The following ARHGEF33 variants were observed in gnomAD, a reference collection of about 807,000 sequenced individuals.
The protein encoded by ARHGEF33 is Rho guanine nucleotide exchange factor 33.
Under a neutral mutation model 101.9 loss-of-function variants are expected in ARHGEF33, and 72 were observed. That is an observed-to-expected ratio of 0.71 (90% CI 0.58 to 0.86). The LOEUF (loss-of-function observed/expected upper bound fraction) is 0.86. ARHGEF33 is among the 40% of genes least tolerant of loss of function. ARHGEF33 has a pLI of 0.00. For synonymous variants in ARHGEF33, 499 were observed against 442.5 expected, an observed-to-expected ratio of 1.13 and a Z score of -1.60; for missense variants, 1,169 against 1,111.3, an observed-to-expected ratio of 1.05 and a Z score of -0.74.
At chr2:38,932,647 A>G (rs886761655) in intron 7 of ARHGEF33, among the ~76,000 whole-genome samples, 2 of 152,198 alleles carry the variant, frequency 1.3e-5, no homozygotes, top group Admixed American at 6.5e-5. Context: ...AGTCAGTTCA[A>G]TGGCAGGTCT....
rs912862244 is a variant in ARHGEF33, at chr2:38,943,949, A to G, written c.839A>G (p.Tyr280Cys). ...ALELLESERK[Y>C]VINISLILKI... ...GAACTGCTTGAATCTGAAAGAAAAT[A>G]TGTCATTAACATCTCTCTGATCTTG... The change falls in exon 10 of 18, where the codon TAT (tyrosine) becomes TGT (cysteine). Residue 280 changes from tyrosine to cysteine, a missense_variant. Coordinates refer to ENST00000409978, the MANE Select transcript of ARHGEF33 (RefSeq NM_001145451.5). The G allele has an allele frequency of 4.5e-6, 7 of 1,551,748 alleles. No individual in the cohort carries two copies. The Admixed American group carries it at 1.4e-4, about 30-fold the overall frequency.
intron 2 of ARHGEF33, among the ~76,000 whole-genome samples, chr2:38,903,913 TGCCAGTGTTTAGGACA>T (rs1436391462): frequency 6.6e-6 from 1 of 152,204 alleles, no homozygotes; most frequent in African/African-American, 2.4e-5. Flanking sequence ...TAGTTACCAC[TGCCAGTGTTTAGGACA>T]GTTTAGTGTC....
rs1402235104 is a variant in ARHGEF33, at chr2:38,959,922, G to C, written c.1617G>C (p.Trp539Cys). 2.4e-5 allele frequency: 37 copies of C among 1,551,692 alleles called. No individual in the cohort carries two copies. Among genetic ancestry groups the C allele is most frequent in the Non-Finnish European group, 2.8e-5 (32 of 1,146,944 alleles). Residue 539 changes from tryptophan to cysteine, a missense_variant, in exon 16 of 18, where the codon TGG becomes TGC. Transcript: ENST00000409978. Reference sequence around the variant, plus strand: ...TGCAGCCCGGGAAGCCCAGTGACTGGGAGCTGGAGGGCAGGAAGCACGAGC... The same window carrying C: ...TGCAGCCCGGGAAGCCCAGTGACTGCGAGCTGGAGGGCAGGAAGCACGAGC... ...ESMQPGKPSD[W>C]ELEGRKHERP...
intron 16 of ARHGEF33, among the ~76,000 whole-genome samples, chr2:38,961,471 T>C (rs1366137921): frequency 6.6e-6 from 1 of 152,216 alleles, no homozygotes. Flanking sequence ...GTGCTAATAG[T>C]TTCTGAGCAA....
intron 11 of ARHGEF33, among the ~76,000 whole-genome samples, chr2:38,951,621 A>G (rs890052030): frequency 6.6e-6 from 1 of 151,724 alleles, no homozygotes; most frequent in Non-Finnish European, 1.5e-5. Flanking sequence ...AAAAAAAAGT[A>G]TATATACATT....
chr2:38,895,539 T>C lies in ARHGEF33; in HGVS notation c.-158-238T>C, dbSNP rs1048019267. ...TATTTTTATTAGTCCCCCAAACATA[T>C]GAATACTGAGGTGATTGTACTTGCT... On this transcript the variant is annotated intron_variant, in intron 1 of 17. Transcript: ENST00000409978. Among the ~76,000 whole-genome samples, 8 of 152,310 alleles carry C rather than the reference T, an allele frequency of 5.3e-5. No individual in the cohort carries two copies. The South Asian group carries it at 1.2e-3, about 24-fold the overall frequency.
At chr2:38,944,979 G>C (rs962968514) in intron 10 of ARHGEF33, among the ~76,000 whole-genome samples, 1 of 151,974 alleles carries the variant, frequency 6.6e-6, no homozygotes, top group Non-Finnish European at 1.5e-5. Context: ...TCTGTTCATA[G>C]TCTAGATTTT....
chr2:38,971,101 T>C (rs913220860), intron 17 of ARHGEF33, among the ~76,000 whole-genome samples: 1 of 152,346 alleles, frequency 6.6e-6, no homozygotes, highest in Non-Finnish European at 1.5e-5. Flanking sequence ...CTCCTAAAGC[T>C]TTCAAGGAGG....
At chr2:38,956,686 A>G (rs1667776310) in intron 13 of ARHGEF33, among the ~76,000 whole-genome samples, 1 of 152,210 alleles carries the variant, frequency 6.6e-6, no homozygotes, top group Admixed American at 6.5e-5. Flanking sequence ...TTCAACTCAA[A>G]CAGGTACGAT....
intron 16 of ARHGEF33, among the ~76,000 whole-genome samples, chr2:38,962,686 T>G (rs1281395000): frequency 1.3e-5 from 2 of 151,968 alleles, no homozygotes; most frequent in African/African-American, 2.4e-5. Flanking sequence ...TTATTTCTGT[T>G]TCTAGACACA....
rs1411808736 is a variant in ARHGEF33 at position 38,914,048 on chromosome 2, TA to T, written c.-85-5312del. Among the ~76,000 whole-genome samples, 2 of 152,188 alleles carry T rather than the reference TA, an allele frequency of 1.3e-5. 1 individual carries two copies. The highest frequency in any genetic ancestry group is 2.9e-5 in the Non-Finnish European group (2 of 68,034). On this transcript the variant is annotated intron_variant, in intron 2 of 17. Coordinates refer to ENST00000409978, the MANE Select transcript of ARHGEF33 (RefSeq NM_001145451.5). ...CACCAGCAATCAGCAAAAGTAGCTATAAACTATCACTTGTCACCCATCTGAC... is the reference window on the plus strand; with the variant it reads ...CACCAGCAATCAGCAAAAGTAGCTATAACTATCACTTGTCACCCATCTGAC...
intron 2 of ARHGEF33, among the ~76,000 whole-genome samples, chr2:38,917,069 G>A (rs1445127510): frequency 6.7e-6 from 1 of 149,306 alleles, no homozygotes; most frequent in Non-Finnish European, 1.5e-5. Context: ...CAAAGTGCTA[G>A]GATTACAGGT....
intron 16 of ARHGEF33, among the ~76,000 whole-genome samples, chr2:38,962,480 C>G (rs1031435872): frequency 6.6e-6 from 1 of 151,994 alleles, no homozygotes; most frequent in Non-Finnish European, 1.5e-5. Flanking sequence ...CCAGACATAC[C>G]AAATAACAAT....
chr2:38,957,959 T>C (rs1010160523), intron 14 of ARHGEF33, 75 bp from the exon 15 acceptor site: 15 of 1,490,402 alleles, frequency 1.0e-5, no homozygotes, highest in Non-Finnish European at 1.4e-5. Flanking sequence ...CTCTCTATCT[T>C]TTTTGGCATA....
chr2:38,970,122 A>G (rs1478987358), intron 17 of ARHGEF33, among the ~76,000 whole-genome samples: 1 of 152,210 alleles, frequency 6.6e-6, no homozygotes, highest in Non-Finnish European at 1.5e-5. Flanking sequence ...CCAAATGATT[A>G]ATTCTACTTC....
intron 2 of ARHGEF33, among the ~76,000 whole-genome samples, chr2:38,901,195 C>T (rs558552353): frequency 2.6e-5 from 4 of 152,268 alleles, no homozygotes; most frequent in African/African-American, 7.2e-5. Flanking sequence ...GTAAAACTGC[C>T]AGAAAGAAGC....
chr2:38,917,482 G>C (rs150224810), intron 2 of ARHGEF33, among the ~76,000 whole-genome samples: 1 of 152,070 alleles, frequency 6.6e-6, no homozygotes, highest in Admixed American at 6.6e-5. Flanking sequence ...TGGCAAATTT[G>C]TGCACCAATA....
intron 13 of ARHGEF33, among the ~76,000 whole-genome samples, chr2:38,956,345 C>T (rs989846035): frequency 1.3e-5 from 2 of 152,140 alleles, no homozygotes; most frequent in African/African-American, 2.4e-5. Context: ...TATTTAAGCA[C>T]GTTGCGGTAA....
chr2:38,959,309 T>A (rs1020677607), intron 15 of ARHGEF33: 1 of 152,288 alleles, frequency 6.6e-6, no homozygotes, highest in Non-Finnish European at 1.5e-5. Flanking sequence ...AGGAATATTT[T>A]AAAATTTTTA....
Sources: allele counts gnomAD v4.1 joint callset (sites outside exome capture counted in the v4.1 genomes callset), GRCh38; gene constraint gnomAD v4.1.1; transcripts MANE v1.5; gene names NCBI Gene and HGNC (gene_info 2026-07-23, HGNC 2026-07-21).